The following ARHGEF4 variants were observed in gnomAD, a reference collection of about 807,000 sequenced individuals.
ARHGEF4 encodes the protein Rho guanine nucleotide exchange factor 4, also known as APC-stimulated guanine nucleotide exchange factor 1.
A neutral mutation model predicts 162.0 loss-of-function variants in ARHGEF4; 119 were observed. That is an observed-to-expected ratio of 0.73 (90% confidence interval 0.63 to 0.86). The LOEUF is 0.86. Among genes scored for constraint, ARHGEF4 ranks in the 40% least tolerant of loss-of-function variants. ARHGEF4 has a pLI of 0.00. For missense variants in ARHGEF4, 2,488 were observed against 2,456.0 expected (o/e 1.01, Z -0.28); for synonymous variants, 1,014 against 979.9 (o/e 1.03, Z -0.65).
intron 2 of ARHGEF4, among the ~76,000 whole-genome samples, chr2:130,923,697 C>T (rs199562343): frequency 2.0e-5 from 3 of 152,072 alleles, no homozygotes; most frequent in East Asian, 3.9e-4. Context: ...AGAGGTTTGA[C>T]GGTGGGGCAC....
chr2:131,038,927 C>T lies in ARHGEF4; in HGVS notation c.4200C>T (p.Gly1400=). ...DHVTMDDQEL[G]FKAGDVIEVM... is the part of the protein sequence containing the mutation. ...TCACCATGGACGACCAGGAGCTGGG[C>T]TTCAAAGCTGGGGACGTCATCGAAG... The change falls in exon 6 of 14, where the codon GGC becomes GGT. Residue 1400 remains glycine (G), a synonymous_variant. Coordinates refer to ENST00000409359, the MANE Select transcript of ARHGEF4 (RefSeq NM_001367493.1). 4.3e-6 allele frequency: 7 copies of T among 1,613,716 alleles called. No homozygotes were observed. The highest frequency in any genetic ancestry group is 5.1e-6 in the Non-Finnish European group (6 of 1,180,002).
intron 1 of ARHGEF4, among the ~76,000 whole-genome samples, chr2:130,909,860 C>G (rs901905634): frequency 6.6e-6 from 1 of 152,068 alleles, no homozygotes; most frequent in African/African-American, 2.4e-5. Context: ...AAAGCTAAAC[C>G]TAGAAGTAAA....
At chr2:130,864,532 C>G (rs1682128552) in intron 1 of ARHGEF4, among the ~76,000 whole-genome samples, 1 of 152,178 alleles carries the variant, frequency 6.6e-6, no homozygotes, top group South Asian at 2.1e-4. Context: ...CAAGACCAAC[C>G]TGGCCAACAT....
chr2:131,040,056 C>T lies in ARHGEF4; in HGVS notation c.4346C>T (p.Pro1449Leu). Reference sequence around the variant, plus strand: ...GACGAGCCCGCGGATGACGACGCCCCTCTGGCCGGGAACAGCGGAGCGGAG... The same window carrying T: ...GACGAGCCCGCGGATGACGACGCCCTTCTGGCCGGGAACAGCGGAGCGGAG... ...NQDEPADDDA[P>L]LAGNSGAEDG... The change falls in exon 7 of 14, where the codon CCT becomes CTT. Residue 1449 changes from proline (P) to leucine (L), a missense_variant. Around this residue, in one of 6 missense-constraint regions of ARHGEF4, gnomAD observed 174 missense variants for 148.3 expected, o/e 1.17. Coordinates refer to ENST00000409359, the MANE Select transcript of ARHGEF4 (RefSeq NM_001367493.1). 2 of 1,587,836 alleles carry T rather than the reference C, an allele frequency of 1.3e-6. No homozygotes were observed. The highest frequency in any genetic ancestry group is 1.1e-5 in the South Asian group (1 of 87,934).
At chr2:131,001,731 G>A (rs989750337) in intron 4 of ARHGEF4, among the ~76,000 whole-genome samples, 5 of 152,144 alleles carry the variant, frequency 3.3e-5, no homozygotes, top group African/African-American at 9.7e-5. Flanking sequence ...ACATGGAAAC[G>A]GCAGACTTCA....
chr2:130,884,685 C>T (rs989266258), intron 1 of ARHGEF4, among the ~76,000 whole-genome samples: 2 of 152,102 alleles, frequency 1.3e-5, no homozygotes, highest in African/African-American at 4.8e-5. Context: ...AACCATGATA[C>T]AAAGCAATAT....
chr2:130,876,254 G>A (rs1021390573), intron 1 of ARHGEF4, among the ~76,000 whole-genome samples: 7 of 152,202 alleles, frequency 4.6e-5, no homozygotes, highest in African/African-American at 1.2e-4. Context: ...ATCACAGGAC[G>A]CTGCCTGACA....
chr2:130,838,205 C>G (rs1680340368), intron 1 of ARHGEF4, among the ~76,000 whole-genome samples: 1 of 152,222 alleles, frequency 6.6e-6, no homozygotes, highest in Admixed American at 6.5e-5. Context: ...GGTGTACAAT[C>G]TTGGGACAAT....
At chr2:131,013,590 T>TTTGA (rs538220396) in intron 4 of ARHGEF4, among the ~76,000 whole-genome samples, 56 of 152,224 alleles carry the variant, frequency 3.7e-4, no homozygotes, top group South Asian at 8.3e-4. Flanking sequence ...AATTTGTTTG[T>TTTGA]TTGATTGATT....
At chr2:131,044,211 T>TC (rs1691047892) in intron 11 of ARHGEF4, 88 bp from the exon 12 acceptor site, 3 of 1,546,132 alleles carry the variant, frequency 1.9e-6, no homozygotes, top group Non-Finnish European at 2.6e-6. Context: ...CAGCAGCCCC[T>TC]CCTATGGCTG....
intron 4 of ARHGEF4, among the ~76,000 whole-genome samples, chr2:130,962,940 A>C (rs879334629): frequency 6.6e-6 from 1 of 152,102 alleles, no homozygotes; most frequent in African/African-American, 2.4e-5. Context: ...TTGCATTTGC[A>C]TTTCATATCC....
chr2:131,009,584 C>G (rs926375380), intron 4 of ARHGEF4, among the ~76,000 whole-genome samples: 1 of 152,158 alleles, frequency 6.6e-6, no homozygotes, highest in Admixed American at 6.5e-5. Flanking sequence ...TTCTATTCGT[C>G]TGTCTTCAAG....
intron 4 of ARHGEF4, among the ~76,000 whole-genome samples, chr2:130,970,425 C>T (rs766787607): frequency 1.8e-4 from 28 of 151,970 alleles, no homozygotes; most frequent in Non-Finnish European, 3.4e-4. Context: ...CCCATCTCTA[C>T]TAAAAATACA....
chr2:130,960,235 C>T (rs1684550454), intron 4 of ARHGEF4, among the ~76,000 whole-genome samples: 1 of 152,122 alleles, frequency 6.6e-6, no homozygotes, highest in African/African-American at 2.4e-5. Flanking sequence ...ATAAACATTA[C>T]AGAACAAATT....
intron 4 of ARHGEF4, among the ~76,000 whole-genome samples, chr2:131,017,483 T>A (rs879736702): frequency 2.0e-5 from 3 of 152,208 alleles, no homozygotes; most frequent in Non-Finnish European, 2.9e-5. Context: ...ATGTTGAAAC[T>A]CGCTTTTCTT....
chr2:130,924,285 T>C (rs1347895096), intron 2 of ARHGEF4, among the ~76,000 whole-genome samples: 18 of 150,918 alleles, frequency 1.2e-4, no homozygotes, highest in Admixed American at 9.9e-4. Context: ...TAGTTCCTTT[T>C]TTTTTTTTTG....
chr2:130,919,898 A>G (rs183059420), intron 2 of ARHGEF4, among the ~76,000 whole-genome samples: 3 of 152,114 alleles, frequency 2.0e-5, no homozygotes, highest in African/African-American at 7.2e-5. Flanking sequence ...AGTGATATAT[A>G]CATATCTGTC....
intron 4 of ARHGEF4, among the ~76,000 whole-genome samples, chr2:130,967,325 T>C (rs1038232819): frequency 2.0e-5 from 3 of 152,180 alleles, no homozygotes; most frequent in African/African-American, 7.2e-5. Context: ...CCCTTCTTTC[T>C]GCCCCGCTGT....
chr2:130,920,684 T>C (rs1681820458), intron 2 of ARHGEF4, among the ~76,000 whole-genome samples: 1 of 152,220 alleles, frequency 6.6e-6, no homozygotes, highest in Admixed American at 6.5e-5. Context: ...TTCAGTCAGT[T>C]ATTCCCACTT....
Sources: allele counts gnomAD v4.1 joint callset (sites outside exome capture counted in the v4.1 genomes callset), GRCh38; gene constraint gnomAD v4.1.1; regional missense constraint gnomAD v4.1.1; transcripts MANE v1.5; gene names NCBI Gene and HGNC (gene_info 2026-07-23, HGNC 2026-07-21).